Variants in STPG2 observed in about 807,000 individuals in gnomAD.
The protein encoded by STPG2 is sperm-tail PG-rich repeat-containing protein 2.
Under a neutral mutation model 54.2 loss-of-function variants are expected in STPG2, and 56 were observed. The ratio of observed to expected loss-of-function variants is 1.03; its 90% CI spans 0.83 to 1.29. STPG2 has a LOEUF of 1.29. Ranked by LOEUF, STPG2 falls within the 50% of genes most tolerant of loss-of-function variation. STPG2 has a pLI of 0.00. For missense variants in STPG2, 596 were observed against 544.9 expected (o/e 1.09, Z -0.93); for synonymous variants, 200 against 181.8 (o/e 1.10, Z -0.81).
At chr4:97,889,415 C>A (rs560970453) in intron 8 of STPG2, among the ~76,000 whole-genome samples, 216 of 152,146 alleles carry the variant, frequency 1.4e-3, no homozygotes, top group African/African-American at 3.8e-3. Context: ...ATGGAATAAA[C>A]CTAAGTATCT....
chr4:97,852,949 T>C (rs192374207), intron 8 of STPG2, among the ~76,000 whole-genome samples: 18 of 150,208 alleles, frequency 1.2e-4, no homozygotes, highest in Non-Finnish European at 2.5e-4. Flanking sequence ...TTAATGTTCC[T>C]ATAAATTAAC....
At chr4:97,631,558 A>T (rs1301159917) in intron 10 of STPG2, among the ~76,000 whole-genome samples, 1 of 152,116 alleles carries the variant, frequency 6.6e-6, no homozygotes, top group African/African-American at 2.4e-5. Context: ...TGAAAGTAAA[A>T]CAGAACTCTG....
At chr4:97,537,746 C>G (rs190740849) in intron 4 of STPG2, among the ~76,000 whole-genome samples, 152 of 152,334 alleles carry the variant, frequency 1.0e-3, no homozygotes, top group Middle Eastern at 3.4e-3. Flanking sequence ...AGACTGCCTC[C>G]TCAAGTGGGT....
chr4:98,003,365 G>C (rs553617856), intron 5 of STPG2, among the ~76,000 whole-genome samples: 1 of 151,768 alleles, frequency 6.6e-6, no homozygotes, highest in Non-Finnish European at 1.5e-5. Flanking sequence ...TTTGGAATTG[G>C]CTTACAAATT....
At chr4:97,589,570 TA>T (rs1733085810) in intron 10 of STPG2, among the ~76,000 whole-genome samples, 1 of 152,138 alleles carries the variant, frequency 6.6e-6, no homozygotes, top group African/African-American at 2.4e-5. Context: ...GCTTTTCCTG[TA>T]AAAGGCTAAA....
intron 9 of STPG2, among the ~76,000 whole-genome samples, chr4:97,713,064 C>T (rs1724182691): frequency 1.3e-5 from 2 of 152,046 alleles, no homozygotes; most frequent in South Asian, 4.1e-4. Context: ...GAAAATAGTA[C>T]TCCCTCAATA....
chr4:98,089,897 T>C (rs1308226864), intron 5 of STPG2, among the ~76,000 whole-genome samples: 1 of 152,096 alleles, frequency 6.6e-6, no homozygotes, highest in Admixed American at 6.6e-5. Context: ...GATGGGAGTA[T>C]TTATTTTTTT....
At chr4:97,608,933 T>C (rs1192688061) in intron 10 of STPG2, among the ~76,000 whole-genome samples, 1 of 152,042 alleles carries the variant, frequency 6.6e-6, no homozygotes, top group Admixed American at 6.6e-5. Context: ...GACAACAAAC[T>C]CTAGAATTAC....
intron 7 of STPG2, among the ~76,000 whole-genome samples, chr4:97,962,866 A>G (rs896992776): frequency 4.6e-5 from 7 of 152,204 alleles, no homozygotes; most frequent in Non-Finnish European, 1.0e-4. Context: ...TGAAGAATAA[A>G]TACTATAATT....
intron 8 of STPG2, among the ~76,000 whole-genome samples, chr4:97,867,493 C>T (rs1413317590): frequency 7.2e-5 from 11 of 151,962 alleles, no homozygotes. Flanking sequence ...CATTTTCCAA[C>T]TGATTATCTC....
At chr4:97,969,469 AG>A (rs1734241682) in intron 7 of STPG2, among the ~76,000 whole-genome samples, 1 of 152,160 alleles carries the variant, frequency 6.6e-6, no homozygotes, top group South Asian at 2.1e-4. Flanking sequence ...GTGCATTGGC[AG>A]CATCACAGGA....
downstream of STPG2, among the ~76,000 whole-genome samples, chr4:97,556,778 G>T (rs1732087550): frequency 1.3e-5 from 2 of 152,060 alleles, no homozygotes; most frequent in African/African-American, 4.8e-5. Context: ...GTCTCTCCTT[G>T]TCTTTATAGT....
intron 10 of STPG2, among the ~76,000 whole-genome samples, chr4:97,562,312 A>C (rs953193622): frequency 6.6e-6 from 1 of 152,148 alleles, no homozygotes; most frequent in Admixed American, 6.6e-5. Context: ...ACTTTGCTGA[A>C]GTTGCTTATC....
intron 3 of STPG2, among the ~76,000 whole-genome samples, chr4:98,118,024 A>G (rs539164943): frequency 1.1e-3 from 160 of 152,226 alleles, no homozygotes; most frequent in African/African-American, 3.7e-3. Context: ...ATTTTGTATG[A>G]TATAATGTGA....
intron 9 of STPG2, among the ~76,000 whole-genome samples, chr4:97,835,604 A>G (rs1728608786): frequency 6.6e-6 from 1 of 152,138 alleles, no homozygotes; most frequent in Non-Finnish European, 1.5e-5. Context: ...TCTGAAGCCC[A>G]TGGTTCAAAG....
At chr4:97,714,736 G>A (rs1724237072) in intron 9 of STPG2, among the ~76,000 whole-genome samples, 1 of 151,818 alleles carries the variant, frequency 6.6e-6, no homozygotes, top group African/African-American at 2.4e-5. Context: ...ATAGTATTCA[G>A]AATTAAAAAA....
chr4:97,614,476 T>C (rs1733810821), intron 10 of STPG2, among the ~76,000 whole-genome samples: 1 of 152,074 alleles, frequency 6.6e-6, no homozygotes, highest in Admixed American at 6.6e-5. Context: ...TGCTAGAGCT[T>C]TGGCTAACTT....
intron 7 of STPG2, among the ~76,000 whole-genome samples, chr4:97,962,360 TA>T (rs551598432): frequency 6.6e-6 from 1 of 151,490 alleles, no homozygotes; most frequent in Non-Finnish European, 1.5e-5. Context: ...TGTGGAAATT[TA>T]AAAAAAAATT....
chr4:97,791,583 A>G (rs964908618), intron 9 of STPG2, among the ~76,000 whole-genome samples: 2 of 152,076 alleles, frequency 1.3e-5, no homozygotes, highest in Non-Finnish European at 2.9e-5. Flanking sequence ...TTCCTTACAA[A>G]TTTTTTACAA....
Sources: allele counts gnomAD v4.1 joint callset (sites outside exome capture counted in the v4.1 genomes callset), GRCh38; gene constraint gnomAD v4.1.1; transcripts MANE v1.5; gene names NCBI Gene and HGNC (gene_info 2026-07-23, HGNC 2026-07-21).